Variants in SCML4 observed in about 807,000 individuals in gnomAD.
SCML4 encodes sex comb on midleg-like protein 4.
Under a neutral mutation model 41.1 loss-of-function variants are expected in SCML4, and 34 were observed. The ratio of observed to expected loss-of-function variants is 0.83; its 90% CI spans 0.63 to 1.10. The LOEUF (loss-of-function observed/expected upper bound fraction) is 1.10. Among genes scored for constraint, SCML4 ranks in the 50% least tolerant of loss-of-function variants. The pLI is 0.00. For synonymous variants in SCML4, 214 were observed against 220.9 expected (o/e 0.97, Z 0.28); for missense variants, 522 against 534.1 (o/e 0.98, Z 0.22).
the SCML4 span, among the ~76,000 whole-genome samples, chr6:107,840,823 T>C: frequency 6.6e-6 from 1 of 152,064 alleles, no homozygotes; most frequent in African/African-American, 2.4e-5. Flanking sequence ...TCTGAGGCAA[T>C]GGAGAGTGGG....
intron 1 of SCML4, among the ~76,000 whole-genome samples, chr6:107,777,544 TTTC>T (rs1781055560): frequency 6.6e-6 from 1 of 152,228 alleles, no homozygotes; most frequent in South Asian, 2.1e-4. Flanking sequence ...GGCCTTCTGT[TTTC>T]TTGTTTTCTA....
Position 107,787,054 on chromosome 6 carries a change from A to G in SCML4, c.-59-14668T>C, listed in dbSNP as rs900405928. Among the ~76,000 whole-genome samples the G allele has an allele frequency of 2.6e-5, 4 of 152,206 alleles. No individual in the cohort carries two copies. In the South Asian group the frequency reaches 8.3e-4, roughly 32 times the overall value. ...CAGAGCTCTCTGCATAACTCCCTAC[A>G]GCTGTCTCCCTGTGTCGGCCCTGGA... On this transcript the variant is annotated intron_variant, in intron 1 of 7. Coordinates refer to ENST00000369020, the MANE Select transcript of SCML4 (RefSeq NM_198081.5).
At chr6:107,713,479 C>T (rs1274461015) in intron 6 of SCML4, among the ~76,000 whole-genome samples, 1 of 152,256 alleles carries the variant, frequency 6.6e-6, no homozygotes, top group Non-Finnish European at 1.5e-5. Flanking sequence ...AGTGTGTCCA[C>T]ATGCAAAACA....
chr6:107,801,856 C>G (rs1273841009), intron 1 of SCML4, among the ~76,000 whole-genome samples: 2 of 152,052 alleles, frequency 1.3e-5, no homozygotes, highest in Non-Finnish European at 2.9e-5. Flanking sequence ...CCTCCGCCTC[C>G]CAGGTTCAAG....
rs558353857 is a variant in SCML4 at position 107,772,108 on chromosome 6, G to A, written c.156+64C>T. The A allele has an allele frequency of 4.2e-6, 6 of 1,437,352 alleles. No homozygotes were observed. The African/African-American group carries it at 8.5e-5, about 20-fold the overall frequency. 89.0% of individuals were successfully genotyped at this position (1,437,352 alleles called of 1,614,324 possible). On this transcript the variant is annotated intron_variant, in intron 2 of 7. Transcript: ENST00000369020. Reference sequence around the variant, plus strand: ...CCTCTAGTGGCATTTTGCAGTGCAGGTCTGACCAAGTACCCGTGCCCCAGC... The same window carrying A: ...CCTCTAGTGGCATTTTGCAGTGCAGATCTGACCAAGTACCCGTGCCCCAGC...
At chr6:107,738,619 T>G (rs1007617399) in intron 5 of SCML4, among the ~76,000 whole-genome samples, 6 of 151,790 alleles carry the variant, frequency 4.0e-5, no homozygotes, top group Non-Finnish European at 8.8e-5. Flanking sequence ...AGAGTCCATC[T>G]TGAAAAAAAA....
intron 1 of SCML4, among the ~76,000 whole-genome samples, chr6:107,815,573 A>G (rs1025299939): frequency 6.6e-6 from 1 of 152,198 alleles, no homozygotes; most frequent in Admixed American, 6.5e-5. Context: ...TGAGTCACCA[A>G]TCCCACTCCT....
upstream of SCML4, among the ~76,000 whole-genome samples, chr6:107,826,722 G>A (rs1785269695): frequency 6.6e-6 from 1 of 152,162 alleles, no homozygotes. Flanking sequence ...AGCACCCATT[G>A]TCATCTAACA....
intron 2 of SCML4, among the ~76,000 whole-genome samples, chr6:107,751,797 A>T (rs34632179): frequency 6.6e-6 from 1 of 151,690 alleles, no homozygotes; most frequent in Non-Finnish European, 1.5e-5. Flanking sequence ...CACCACGCCT[A>T]GCTAATTTTT....
chr6:107,769,844 C>T (rs1418197767), intron 2 of SCML4, among the ~76,000 whole-genome samples: 2 of 152,152 alleles, frequency 1.3e-5, no homozygotes, highest in Non-Finnish European at 2.9e-5. Context: ...TACTAACCAG[C>T]TATAATTGAG....
chr6:107,726,356 A>G (rs1209948989), intron 5 of SCML4, among the ~76,000 whole-genome samples: 1 of 151,632 alleles, frequency 6.6e-6, no homozygotes, highest in African/African-American at 2.4e-5. Context: ...ACACGGTGAA[A>G]CCCCATCTCT....
At chr6:107,749,851 C>T (rs1778467104) in intron 2 of SCML4, 38 bp from the exon 3 acceptor site, 1 of 1,609,476 alleles carries the variant, frequency 6.2e-7, no homozygotes, top group African/African-American at 1.3e-5. Context: ...GAGAATCTGG[C>T]AATTCTCTCT....
chr6:107,771,394 G>C (rs1313283865), intron 2 of SCML4, among the ~76,000 whole-genome samples: 1 of 150,836 alleles, frequency 6.6e-6, no homozygotes, highest in Non-Finnish European at 1.5e-5. Flanking sequence ...ATTTTCTAAT[G>C]CCCGAAAGGT....
chr6:107,751,340 C>T (rs1009279931), intron 2 of SCML4, among the ~76,000 whole-genome samples: 4 of 152,096 alleles, frequency 2.6e-5, no homozygotes, highest in Non-Finnish European at 4.4e-5. Flanking sequence ...GGGAGCAAGT[C>T]ATACAGTGTG....
At position 107,767,207 on chromosome 6, in the gene SCML4, C is replaced by T. The variant is rs150136233; in HGVS notation, c.156+4965G>A. On this transcript the variant is annotated intron_variant, in intron 2 of 7. Coordinates refer to ENST00000369020, the MANE Select transcript of SCML4 (RefSeq NM_198081.5). ...TCCTGACCTCGTGATCCATCCACCTCGGCCTCCCAAAGTGCTGGGATTACA... is the reference window on the plus strand; with the variant it reads ...TCCTGACCTCGTGATCCATCCACCTTGGCCTCCCAAAGTGCTGGGATTACA... 3.3e-3 allele frequency among the ~76,000 whole-genome samples: 501 copies of T among 152,200 alleles called. 3 individuals carry two copies. The highest frequency in any genetic ancestry group is 0.015 in the East Asian group (75 of 5,172).
chr6:107,804,463 A>G (rs888815928), intron 1 of SCML4, among the ~76,000 whole-genome samples: 1 of 152,200 alleles, frequency 6.6e-6, no homozygotes, highest in Non-Finnish European at 1.5e-5. Context: ...TGGAGGGGCC[A>G]GGAGAGAATG....
chr6:107,794,899 A>G (rs922969173), intron 1 of SCML4, among the ~76,000 whole-genome samples: 1 of 151,702 alleles, frequency 6.6e-6, no homozygotes, highest in Non-Finnish European at 1.5e-5. Flanking sequence ...CAACTACATC[A>G]CTCCAGTCCC....
At chr6:107,845,372 T>G in the SCML4 span, among the ~76,000 whole-genome samples, 1 of 152,232 alleles carries the variant, frequency 6.6e-6, no homozygotes, top group African/African-American at 2.4e-5. Context: ...TTAACATCAC[T>G]GGAGCCTAGA....
chr6:107,831,002 A>G, the SCML4 span, among the ~76,000 whole-genome samples: 3 of 152,194 alleles, frequency 2.0e-5, no homozygotes, highest in African/African-American at 7.2e-5. Context: ...TAGAATTAGC[A>G]AATGTGAGTC....
Sources: allele counts gnomAD v4.1 joint callset (sites outside exome capture counted in the v4.1 genomes callset), GRCh38; gene constraint gnomAD v4.1.1; transcripts MANE v1.5; gene names NCBI Gene and HGNC (gene_info 2026-07-23, HGNC 2026-07-21).